The following REV3L variants were observed in gnomAD, a reference collection of about 807,000 sequenced individuals.
The protein encoded by REV3L is REV3 like, DNA directed polymerase zeta catalytic subunit, also known as DNA polymerase zeta catalytic subunit.
Under a neutral mutation model 299.4 loss-of-function variants are expected in REV3L, and 69 were observed. The ratio of observed to expected loss-of-function variants is 0.23; its 90% CI spans 0.19 to 0.28. The LOEUF (loss-of-function observed/expected upper bound fraction) is 0.28. Ranked by LOEUF, REV3L falls within the 10% of genes least tolerant of loss-of-function variation. The pLI is 1.00. For missense variants in REV3L, 3,128 were observed against 3,693.8 expected (o/e 0.85, Z 3.97); for synonymous variants, 1,238 against 1,271.4 (o/e 0.97, Z 0.56).
chr6:111,416,197 AATAG>A, intron 2 of REV3L, 82 bp downstream of exon 2: 1 of 915,508 alleles, frequency 1.1e-6, no homozygotes, highest in Non-Finnish European at 1.5e-6. Context: ...AAGTAAAAGA[AATAG>A]AGTTTATCAA....
intron 29 of REV3L, 189 bp from the exon 30 acceptor site, chr6:111,310,288 T>C (rs997040666): frequency 4.3e-5 from 24 of 563,730 alleles, no homozygotes; most frequent in Non-Finnish European, 5.9e-5. Context: ...AGTGTAGATA[T>C]CCTACAAGAG....
intron 13 of REV3L, among the ~76,000 whole-genome samples, chr6:111,370,035 G>A (rs376123540): frequency 3.3e-5 from 5 of 152,100 alleles, no homozygotes; most frequent in South Asian, 4.1e-4. Flanking sequence ...GTTTCACCAT[G>A]TTGGCCAGGA....
rs538880073 is a variant in REV3L, at chr6:111,392,972, C to A, written c.566G>T (p.Ser189Ile). 1.3e-6 allele frequency: 2 copies of A among 1,576,816 alleles called. No homozygotes were observed. The highest frequency in any genetic ancestry group is 1.3e-5 in the African/African-American group (1 of 74,120). Residue 189 changes from serine (S) to isoleucine (I), a missense_variant and splice_region_variant, in exon 5 of 32, where the codon AGT (serine) becomes ATT (isoleucine). By Grantham distance (142) the Ser-to-Ile change is moderately radical. Transcript: ENST00000368802. ...AVKFRKARRKSNTLHATGSCK... is the reference protein window; with the variant it reads ...AVKFRKARRKINTLHATGSCK... ...GGATCCAGTTGCATGCAATGTATTA[C>A]CTAGGAATAGAAAGGTAAAAGGAAT...
In REV3L at chr6:111,363,787, G is replaced by C. The variant is rs1778935443; in HGVS notation, c.6879+66C>G. 4.6e-6 allele frequency: 7 copies of C among 1,526,858 alleles called. No homozygotes were observed. The East Asian group carries it at 6.9e-5, about 15-fold the overall frequency. 94.6% of individuals were successfully genotyped at this position (1,526,858 alleles called of 1,614,324 possible). A position where few individuals can be genotyped will look rare whatever the true frequency, so the allele number is the denominator to read the frequency against. On this transcript the variant is annotated intron_variant, in intron 16 of 31. Transcript: ENST00000368802. ...CCCTTGTTAAAAAAATTCCATACTT[G>C]TTTTATAGAATAAAACAGGAGTTAA...
At chr6:111,306,362 C>T (rs1009506577) in intron 31 of REV3L, among the ~76,000 whole-genome samples, 4 of 151,838 alleles carry the variant, frequency 2.6e-5, no homozygotes, top group Non-Finnish European at 5.9e-5. Context: ...TGGTATGGGT[C>T]GAGGTAGAGT....
intron 16 of REV3L, chr6:111,360,800 A>C (rs1213410541): frequency 6.6e-6 from 1 of 152,202 alleles, no homozygotes; most frequent in South Asian, 2.1e-4. Flanking sequence ...TAAAATATAA[A>C]GAACATCAAT....
chr6:111,303,270 C>G (rs534994083), intron 31 of REV3L, among the ~76,000 whole-genome samples: 2 of 150,512 alleles, frequency 1.3e-5, no homozygotes, highest in South Asian at 2.1e-4. Flanking sequence ...CTCCTAGGTT[C>G]AAGTGATTCT....
rs368840674 is a variant in REV3L, at chr6:111,333,352, T to C, written c.7696A>G (p.Met2566Val). Reference protein sequence around the residue: ...TRGSQYRVESMMLRIAKPMNY... With the variant: ...TRGSQYRVESVMLRIAKPMNY... ...ATTGGTTTAGCAATACGCAACATCA[T>C]TGATTCCACACGGTACTGCAGGGAG... is the stretch of plus-strand genomic sequence containing the variant. The change falls in exon 23 of 32, where the codon ATG (methionine) becomes GTG (valine). Residue 2566 changes from methionine to valine, a missense_variant. Physicochemically the swap from Met to Val is conservative, Grantham distance 21. This residue lies in a region of REV3L where 149 missense variants were observed against 286.4 expected (regional missense o/e 0.52). Transcript: ENST00000368802. 2 of 1,614,086 alleles carry C rather than the reference T, an allele frequency of 1.2e-6. No individual in the cohort carries two copies. The highest frequency in any genetic ancestry group is 1.3e-5 in the African/African-American group (1 of 75,014).
Position 111,300,083 on chromosome 6 carries a change from T to C in REV3L, c.9326A>G (p.Lys3109Arg). Residue 3109 changes from lysine (K) to arginine (R), a missense_variant, in exon 32 of 32, where the codon AAA (lysine) becomes AGA (arginine). Around this residue, in one of 9 missense-constraint regions of REV3L, gnomAD observed 294 missense variants for 377.0 expected, o/e 0.78. Coordinates refer to ENST00000368802, the MANE Select transcript of REV3L (RefSeq NM_001372078.1). ...CVSLNCPVLF[K>R]LSRVNRELSK... ...CAATTCTCTATTTACTCGGGAGAGT[T>C]TGAAAAGTACTGGGCAGTTCAGAGA... 1 of 1,613,794 alleles carries C rather than the reference T, an allele frequency of 6.2e-7. No individual in the cohort carries two copies. The highest frequency in any genetic ancestry group is 8.5e-7 in the Non-Finnish European group (1 of 1,179,792).
At chr6:111,341,990 C>T (rs895538128) in intron 21 of REV3L, among the ~76,000 whole-genome samples, 2 of 150,742 alleles carry the variant, frequency 1.3e-5, no homozygotes, top group East Asian at 1.9e-4. Context: ...CAGAAAAAAA[C>T]AGAGGCCTTT....
chr6:111,483,055 G>T lies in REV3L; in HGVS notation c.-167C>A. The T allele has an allele frequency of 1.2e-6, 1 of 823,204 alleles. No individual in the cohort carries two copies. The highest frequency in any genetic ancestry group is 1.7e-6 in the Non-Finnish European group (1 of 586,010). The allele number at this position is 823,204 out of a possible 1,614,324, so 51.0% of individuals were successfully genotyped here. A position where few individuals can be genotyped will look rare whatever the true frequency, so the allele number is the denominator to read the frequency against. ...GAGCGGCGGGCGGGGCGGTGTAGGC[G>T]CTGCTGCCGCCGCCTCCTCAGGAGC... On this transcript the variant is annotated 5_prime_UTR_variant, in exon 1 of 32. Coordinates refer to ENST00000368802, the MANE Select transcript of REV3L (RefSeq NM_001372078.1).
At chr6:111,320,370 A>T (rs1293906083) in intron 26 of REV3L, among the ~76,000 whole-genome samples, 1 of 151,832 alleles carries the variant, frequency 6.6e-6, no homozygotes, top group African/African-American at 2.4e-5. Flanking sequence ...CCAGCCAGGA[A>T]CTCTTTTTCA....
At chr6:111,416,813 T>A (rs1214123052) in intron 1 of REV3L, among the ~76,000 whole-genome samples, 1 of 152,202 alleles carries the variant, frequency 6.6e-6, no homozygotes, top group Non-Finnish European at 1.5e-5. Context: ...CACAGTGTTA[T>A]GAAGGTTACA....
chr6:111,447,143 ATC>A (rs989390314), intron 1 of REV3L, among the ~76,000 whole-genome samples: 1 of 152,210 alleles, frequency 6.6e-6, no homozygotes, highest in Non-Finnish European at 1.5e-5. Flanking sequence ...AAGGAAAAAA[ATC>A]TGTTTATTGC....
intron 1 of REV3L, among the ~76,000 whole-genome samples, chr6:111,421,811 T>A (rs1308063665): frequency 2.0e-5 from 3 of 152,162 alleles, no homozygotes; most frequent in Non-Finnish European, 4.4e-5. Context: ...CAAGAACATT[T>A]ACGTTTACAA....
At chr6:111,303,164 TC>T (rs1771781711) in intron 31 of REV3L, among the ~76,000 whole-genome samples, 1 of 70,858 alleles carries the variant, frequency 1.4e-5, no homozygotes, top group Admixed American at 1.6e-4. Context: ...TTCTTTTCTT[TC>T]TTTTTTTTTT....
chr6:111,380,162 C>A lies in REV3L; in HGVS notation c.1274G>T (p.Gly425Val). The stretch of plus-strand genomic sequence containing the variant: ...CATCCTATTTCTTTCCCCCCGATAT[C>A]CATCACTTTCCAAACCAGCAAGAAG... ...VHLLAGLESD[G>V]YRGERNRMPS... The change falls in exon 11 of 32, where the codon GGA (glycine) becomes GTA (valine). Residue 425 changes from glycine to valine, a missense_variant. By Grantham distance (109) the Gly-to-Val change is moderately radical (BLOSUM62 -3). This residue lies in a region of REV3L where 2,409 missense variants were observed against 2,611.8 expected (regional missense o/e 0.92). Coordinates refer to ENST00000368802, the MANE Select transcript of REV3L (RefSeq NM_001372078.1). The A allele has an allele frequency of 1.2e-6, 2 of 1,614,116 alleles. No individual in the cohort carries two copies. The highest frequency in any genetic ancestry group is 8.5e-7 in the Non-Finnish European group (1 of 1,179,988).
At chr6:111,469,984 T>C (rs1229695167) in intron 1 of REV3L, among the ~76,000 whole-genome samples, 1 of 152,216 alleles carries the variant, frequency 6.6e-6, no homozygotes, top group Non-Finnish European at 1.5e-5. Context: ...ACAATGAGAA[T>C]ATATCCACAT....
At chr6:111,324,204 G>T (rs922410577) in intron 25 of REV3L, among the ~76,000 whole-genome samples, 2 of 152,030 alleles carry the variant, frequency 1.3e-5, no homozygotes, top group African/African-American at 4.8e-5. Flanking sequence ...TGCCATGATG[G>T]CCAGGCTGGT....
Sources: allele counts gnomAD v4.1 joint callset (sites outside exome capture counted in the v4.1 genomes callset), GRCh38; gene constraint gnomAD v4.1.1; regional missense constraint gnomAD v4.1.1; transcripts MANE v1.5; gene names NCBI Gene and HGNC (gene_info 2026-07-23, HGNC 2026-07-21).